The following LRRC1 variants were observed in gnomAD, a reference collection of about 807,000 sequenced individuals.
LRRC1 encodes the protein leucine-rich repeat-containing protein 1.
A neutral mutation model predicts 69.9 loss-of-function variants in LRRC1; 28 were observed. The observed-to-expected ratio is 0.40, with a 90% CI of 0.30 to 0.55. The LOEUF is 0.55. LRRC1 is among the 20% of genes least tolerant of loss of function. The pLI, the probability that LRRC1 is intolerant of heterozygous loss-of-function variation, is 0.47. For missense variants in LRRC1, 498 were observed against 609.0 expected (o/e 0.82, Z 1.92); for synonymous variants, 236 against 240.2 (o/e 0.98, Z 0.16).
chr6:53,817,929 G>T (rs910615692), intron 1 of LRRC1, among the ~76,000 whole-genome samples: 4 of 152,112 alleles, frequency 2.6e-5, no homozygotes, highest in African/African-American at 9.7e-5. Context: ...TGCTATGTGC[G>T]CTGTATGATC....
intron 2 of LRRC1, among the ~76,000 whole-genome samples, chr6:53,871,168 T>C (rs1766871074): frequency 1.3e-5 from 2 of 152,216 alleles, no homozygotes; most frequent in African/African-American, 4.8e-5. Context: ...GTGGGATTGC[T>C]GGATCATATG....
At chr6:53,799,991 G>T (rs539700868) in intron 1 of LRRC1, among the ~76,000 whole-genome samples, 3 of 152,228 alleles carry the variant, frequency 2.0e-5, no homozygotes, top group Admixed American at 6.5e-5. Context: ...CTTCTGCTGA[G>T]GCTCTTTAGG....
chr6:53,853,705 G>A (rs756266537), intron 2 of LRRC1, among the ~76,000 whole-genome samples: 4 of 152,224 alleles, frequency 2.6e-5, no homozygotes, highest in Non-Finnish European at 5.9e-5. Flanking sequence ...AAAGGTTGAA[G>A]CATTGCCAGA....
chr6:53,865,979 C>G (rs1284802590), intron 2 of LRRC1, among the ~76,000 whole-genome samples: 2 of 152,018 alleles, frequency 1.3e-5, no homozygotes, highest in East Asian at 1.9e-4. Flanking sequence ...TTCAGCCTCC[C>G]AAAGTGCTGG....
intron 5 of LRRC1, 137 bp downstream of exon 5, chr6:53,896,691 C>A: frequency 1.0e-6 from 1 of 1,002,580 alleles, no homozygotes; most frequent in South Asian, 1.5e-5. Flanking sequence ...CTTTTCTTAA[C>A]AATCCTTCCT....
chr6:53,859,435 G>A (rs1766424788), intron 2 of LRRC1, among the ~76,000 whole-genome samples: 1 of 152,154 alleles, frequency 6.6e-6, no homozygotes, highest in Non-Finnish European at 1.5e-5. Context: ...GAAAATTCAT[G>A]CAACTCTAAA....
chr6:53,807,958 G>A (rs77689937), intron 1 of LRRC1, among the ~76,000 whole-genome samples: 28,407 of 152,228 alleles, frequency 0.19, 2,907 homozygotes, highest in Middle Eastern at 0.33. Context: ...AAGAAGGCTA[G>A]TGCAGCTGGA....
rs1381420159 is a variant in LRRC1 at position 53,918,215 on chromosome 6, G to A, written c.1107-1283G>A. 2.6e-5 allele frequency among the ~76,000 whole-genome samples: 4 copies of A among 152,132 alleles called. No homozygotes were observed. In the South Asian group the frequency reaches 6.2e-4, roughly 24 times the overall value. ...GGGTACTTTAACATAAGCAGTTCTC[G>A]TGGATGCACTGGCTTAAGAACCTCA... On this transcript the variant is annotated intron_variant, in intron 11 of 13. Coordinates refer to ENST00000370888, the MANE Select transcript of LRRC1 (RefSeq NM_018214.5).
intron 1 of LRRC1, among the ~76,000 whole-genome samples, chr6:53,806,459 C>G (rs531888020): frequency 6.6e-6 from 1 of 152,264 alleles, no homozygotes; most frequent in African/African-American, 2.4e-5. Context: ...GTGGAAACAG[C>G]ACTGGCCTGG....
intron 1 of LRRC1, among the ~76,000 whole-genome samples, chr6:53,815,327 G>T (rs1262019422): frequency 6.6e-6 from 1 of 152,078 alleles, no homozygotes; most frequent in South Asian, 2.1e-4. Context: ...TGTCATCTCC[G>T]AGCCTCATTT....
At chr6:53,918,024 A>T (rs955724055) in intron 11 of LRRC1, among the ~76,000 whole-genome samples, 2 of 152,276 alleles carry the variant, frequency 1.3e-5, no homozygotes, top group Admixed American at 1.3e-4. Flanking sequence ...GGAAAAAGAA[A>T]TGGAATTGTG....
At position 53,923,497 on chromosome 6, in the gene LRRC1, A is replaced by G. The variant is rs114138360; in HGVS notation, c.*704A>G. 71 of 152,798 alleles carry G rather than the reference A, an allele frequency of 4.6e-4. No individual in the cohort carries two copies. The highest frequency in any genetic ancestry group is 1.6e-3 in the African/African-American group (65 of 41,584). The allele number at this position is 152,798 out of a possible 1,614,324, so 9.5% of individuals were successfully genotyped here. On this transcript the variant is annotated 3_prime_UTR_variant, in exon 14 of 14. Coordinates refer to ENST00000370888, the MANE Select transcript of LRRC1 (RefSeq NM_018214.5). ...TTTAAAGCAGTGTTGCATTTTAATCAGTAATCTACCTGGTGGATTTGTTTT... is the reference window on the plus strand; with the variant it reads ...TTTAAAGCAGTGTTGCATTTTAATCGGTAATCTACCTGGTGGATTTGTTTT...
Position 53,919,904 on chromosome 6 carries a change from G to A in LRRC1, c.1279+234G>A, listed in dbSNP as rs73432433. On this transcript the variant is annotated intron_variant, in intron 12 of 13. Transcript: ENST00000370888. ...TTGAAATTCCATAAGCAGTTTTTTG[G>A]TTTTGAATTATAGCTAAGGCTGAAA... Among the ~76,000 whole-genome samples the A allele has an allele frequency of 3.6e-3, 553 of 152,268 alleles. 4 individuals carry two copies. The highest frequency in any genetic ancestry group is 0.013 in the African/African-American group (536 of 41,532).
chr6:53,813,960 A>G (rs1764875740), intron 1 of LRRC1, among the ~76,000 whole-genome samples: 2 of 152,170 alleles, frequency 1.3e-5, no homozygotes, highest in African/African-American at 4.8e-5. Flanking sequence ...AAATTTTGCT[A>G]GCTCCTTCTG....
chr6:53,799,367 G>T (rs1489662213), intron 1 of LRRC1, among the ~76,000 whole-genome samples: 2 of 152,204 alleles, frequency 1.3e-5, no homozygotes, highest in Non-Finnish European at 2.9e-5. Context: ...CTTCACGGCT[G>T]GACCTAGGAC....
chr6:53,879,599 C>G (rs1264880579), intron 3 of LRRC1, among the ~76,000 whole-genome samples: 1 of 151,946 alleles, frequency 6.6e-6, no homozygotes, highest in Non-Finnish European at 1.5e-5. Context: ...ATCTTTTTGT[C>G]TCAACTTTCC....
At chr6:53,890,016 G>A (rs1258484592) in intron 4 of LRRC1, among the ~76,000 whole-genome samples, 1 of 152,180 alleles carries the variant, frequency 6.6e-6, no homozygotes, top group African/African-American at 2.4e-5. Context: ...GTGATGTAGA[G>A]TGAGAGTGGA....
intron 11 of LRRC1, among the ~76,000 whole-genome samples, chr6:53,915,295 A>C (rs969675579): frequency 6.6e-6 from 1 of 152,228 alleles, no homozygotes; most frequent in Non-Finnish European, 1.5e-5. Context: ...AATAAACAGC[A>C]GTTCTCAGCT....
chr6:53,907,355 AC>A (rs1056151547), intron 10 of LRRC1, among the ~76,000 whole-genome samples: 27 of 152,282 alleles, frequency 1.8e-4, no homozygotes, highest in African/African-American at 6.5e-4. Flanking sequence ...TTTAAAAAAA[AC>A]AACAACATTT....
Sources: allele counts gnomAD v4.1 joint callset (sites outside exome capture counted in the v4.1 genomes callset), GRCh38; gene constraint gnomAD v4.1.1; transcripts MANE v1.5; gene names NCBI Gene and HGNC (gene_info 2026-07-23, HGNC 2026-07-21).